Variants in EXOC2 observed in about 807,000 individuals in gnomAD.
The protein encoded by EXOC2 is SEC5-like 1.
Under a neutral mutation model 131.8 loss-of-function variants are expected in EXOC2, and 70 were observed. That is an observed-to-expected ratio of 0.53 (90% confidence interval 0.44 to 0.65). The LOEUF (loss-of-function observed/expected upper bound fraction) is 0.65, where lower values mean the gene tolerates loss of function less well. Among genes scored for constraint, EXOC2 ranks in the 30% least tolerant of loss-of-function variants. The probability of loss-of-function intolerance (pLI) is 0.00; values close to 1 mark genes in which losing one functional copy is unlikely to be tolerated. For synonymous variants in EXOC2, 411 were observed against 398.4 expected (o/e 1.03, Z -0.38); for missense variants, 923 against 1,108.6 (o/e 0.83, Z 2.38).
In EXOC2 at chr6:656,834, G is replaced by T. The variant is rs761487186; in HGVS notation, c.-43-18973C>A. 3.1e-5 allele frequency: 50 copies of T among 1,610,528 alleles called. No homozygotes were observed. The highest frequency in any genetic ancestry group is 2.5e-6 in the Non-Finnish European group (3 of 1,178,066). ...AACCCGCGGGGCCGAAGCACAGGCT[G>T]TCAGGGCGCACGCGGAGCACGCAGA... On this transcript the variant is annotated intron_variant, in intron 1 of 27. Transcript: ENST00000230449.
chr6:556,153 G>GT, intron 18 of EXOC2, 140 bp from the exon 19 acceptor site: 1 of 754,082 alleles, frequency 1.3e-6, no homozygotes, highest in Non-Finnish European at 2.2e-6. Context: ...CGTGCGAAGA[G>GT]TGGGCCTACT....
intron 10 of EXOC2, among the ~76,000 whole-genome samples, 167 bp downstream of exon 10, chr6:597,854 G>T (rs1411365553): frequency 6.6e-6 from 1 of 152,134 alleles, no homozygotes; most frequent in Non-Finnish European, 1.5e-5. Flanking sequence ...GTATTCAAAA[G>T]AATTTTGATG....
At chr6:553,002 TC>T (rs1214585274) in intron 21 of EXOC2, among the ~76,000 whole-genome samples, 1 of 152,030 alleles carries the variant, frequency 6.6e-6, no homozygotes, top group Non-Finnish European at 1.5e-5. Flanking sequence ...ACTGCAAGCT[TC>T]TCCTCTTGGG....
At position 567,536 on chromosome 6, in the gene EXOC2, C is replaced by T. The variant is rs530813323; in HGVS notation, c.1444-2607G>A. Among the ~76,000 whole-genome samples the T allele has an allele frequency of 1.6e-4, 25 of 152,200 alleles. No individual in the cohort carries two copies. The East Asian group carries it at 4.0e-3, about 25-fold the overall frequency. ...GGAAAGGTCATGCTTACTTTGGTGA[C>T]TTTTATTTATATTGTAGATATGTAT... is the stretch of plus-strand genomic sequence containing the variant. On this transcript the variant is annotated intron_variant, in intron 13 of 27. Coordinates refer to ENST00000230449, the MANE Select transcript of EXOC2 (RefSeq NM_018303.6).
intron 1 of EXOC2, among the ~76,000 whole-genome samples, chr6:680,012 C>T (rs1236408515): frequency 7.5e-6 from 1 of 133,636 alleles, no homozygotes; most frequent in African/African-American, 2.7e-5. Context: ...CTATGCTATA[C>T]TCCGGATGAC....
At chr6:656,989 C>A in intron 1 of EXOC2, 1 of 1,456,772 alleles carries the variant, frequency 6.9e-7, no homozygotes, top group East Asian at 2.5e-5. Context: ...GGGGATTCCG[C>A]GTGCCACAAG....
intron 23 of EXOC2, among the ~76,000 whole-genome samples, chr6:501,234 ATATATATC>A (rs1164613040): frequency 6.3e-4 from 9 of 14,216 alleles, no homozygotes; most frequent in African/African-American, 1.4e-3. Context: ...TATATATATT[ATATATATC>A]TATATATATT....
intron 23 of EXOC2, among the ~76,000 whole-genome samples, chr6:523,920 T>C (rs778116561): frequency 2.6e-5 from 4 of 152,204 alleles, no homozygotes; most frequent in Non-Finnish European, 5.9e-5. Context: ...AATGTTATTA[T>C]TTGAAGGTGA....
chr6:658,667 T>TATA (rs1561983437), intron 1 of EXOC2, among the ~76,000 whole-genome samples: 70 of 65,128 alleles, frequency 1.1e-3, no homozygotes, highest in South Asian at 4.6e-3. Context: ...ATATATATAT[T>TATA]TTTTTTTTTT....
chr6:518,465 T>C (rs761645690), intron 23 of EXOC2, among the ~76,000 whole-genome samples: 13 of 152,266 alleles, frequency 8.5e-5, no homozygotes, highest in Non-Finnish European at 1.8e-4. Context: ...GCATAGTTTA[T>C]AGCTATCAAT....
At chr6:525,021 T>A (rs894397839) in intron 23 of EXOC2, 1 of 152,236 alleles carries the variant, frequency 6.6e-6, no homozygotes, top group Non-Finnish European at 1.5e-5. Context: ...CTCCAGTCTG[T>A]CGGCTTTTGA....
At chr6:550,106 G>C (rs1302244596) in intron 21 of EXOC2, among the ~76,000 whole-genome samples, 1 of 152,248 alleles carries the variant, frequency 6.6e-6, no homozygotes, top group Non-Finnish European at 1.5e-5. Flanking sequence ...CACCCAACCT[G>C]TGCTCCCGCA....
intron 1 of EXOC2, chr6:656,217 T>C (rs1406048916): frequency 6.2e-7 from 1 of 1,614,242 alleles, no homozygotes. Flanking sequence ...ATGTATTTGC[T>C]GTCCCTCCAA....
intron 16 of EXOC2, 88 bp downstream of exon 16, chr6:563,945 C>T (rs1203156491): frequency 1.3e-6 from 2 of 1,510,372 alleles, no homozygotes; most frequent in Non-Finnish European, 1.8e-6. Flanking sequence ...GTAATTTTCC[C>T]TTGTTTTCAA....
At chr6:589,819 GC>G (rs1178459913) in intron 11 of EXOC2, among the ~76,000 whole-genome samples, 1 of 152,182 alleles carries the variant, frequency 6.6e-6, no homozygotes, top group Non-Finnish European at 1.5e-5. Context: ...TTGTTAAAAA[GC>G]CCCAGTGGAC....
chr6:491,704 T>C (rs1158171177), intron 25 of EXOC2, among the ~76,000 whole-genome samples: 1 of 152,218 alleles, frequency 6.6e-6, no homozygotes, highest in Non-Finnish European at 1.5e-5. Flanking sequence ...TTTTTTTCCT[T>C]AATGGAAACT....
At chr6:675,982 C>T (rs1215826465) in intron 1 of EXOC2, among the ~76,000 whole-genome samples, 1 of 128,618 alleles carries the variant, frequency 7.8e-6, no homozygotes, top group Non-Finnish European at 1.7e-5. Context: ...TCTGAGGTTC[C>T]CCATACTCTT....
intron 1 of EXOC2, among the ~76,000 whole-genome samples, chr6:664,191 AAAAAT>A (rs1763537637): frequency 6.6e-6 from 1 of 152,216 alleles, no homozygotes; most frequent in Admixed American, 6.5e-5. Context: ...CTATAGCTGC[AAAAAT>A]AAAATAAAAT....
intron 22 of EXOC2, 141 bp downstream of exon 22, chr6:549,034 G>C (rs577375320): frequency 5.0e-5 from 35 of 701,084 alleles, no homozygotes; most frequent in Non-Finnish European, 8.5e-5. Flanking sequence ...GCTTTAGCAG[G>C]GTGAAGGCGG....
Sources: allele counts gnomAD v4.1 joint callset (sites outside exome capture counted in the v4.1 genomes callset), GRCh38; gene constraint gnomAD v4.1.1; transcripts MANE v1.5; gene names NCBI Gene and HGNC (gene_info 2026-07-23, HGNC 2026-07-21).